Variants in BMPR1B observed in about 807,000 individuals in gnomAD.
The protein encoded by BMPR1B is bone morphogenetic protein receptor type-1B.
BMPR1B carries 12 observed loss-of-function variants against 59.1 expected under a neutral mutation model. The ratio of observed to expected loss-of-function variants is 0.20; its 90% CI spans 0.13 to 0.33. The LOEUF is 0.33. Among genes scored for constraint, BMPR1B ranks in the 10% least tolerant of loss-of-function variants. The pLI is 1.00. For missense variants in BMPR1B, 550 were observed against 610.9 expected, an observed-to-expected ratio of 0.90 and a Z score of 1.05; for synonymous variants, 237 against 207.3, an observed-to-expected ratio of 1.14 and a Z score of -1.23.
At chr4:94,869,715 C>A (rs1407566767) in intron 1 of BMPR1B, among the ~76,000 whole-genome samples, 2 of 152,106 alleles carry the variant, frequency 1.3e-5, no homozygotes, top group Non-Finnish European at 2.9e-5. Flanking sequence ...TTTTTATAAT[C>A]TGTAACATTT....
At chr4:95,121,551 TAAAC>T (rs1326223171) in intron 6 of BMPR1B, among the ~76,000 whole-genome samples, 1 of 152,060 alleles carries the variant, frequency 6.6e-6, no homozygotes. Flanking sequence ...CACAAATAAG[TAAAC>T]AAATAAAAAA....
chr4:94,898,816 C>T (rs533840180), intron 2 of BMPR1B, among the ~76,000 whole-genome samples: 13 of 151,992 alleles, frequency 8.6e-5, no homozygotes, highest in African/African-American at 3.1e-4. Flanking sequence ...TTGTGGGTCC[C>T]TCTCTCTCAA....
At chr4:95,012,070 G>A (rs1048691732) in intron 3 of BMPR1B, among the ~76,000 whole-genome samples, 7 of 151,778 alleles carry the variant, frequency 4.6e-5, no homozygotes, top group African/African-American at 7.3e-5. Flanking sequence ...AAGAAAAGAT[G>A]GATGTTAGGT....
At chr4:95,126,838 A>G (rs1732941744) in intron 8 of BMPR1B, among the ~76,000 whole-genome samples, 1 of 152,186 alleles carries the variant, frequency 6.6e-6, no homozygotes, top group Admixed American at 6.6e-5. Context: ...GTGAGTGAAT[A>G]CCTCATCTTA....
chr4:95,150,798 C>G lies in BMPR1B; in HGVS notation c.1253-1845C>G, dbSNP rs535019536. On this transcript the variant is annotated intron_variant, in intron 11 of 12. Transcript: ENST00000515059. ...TGTTAGAGGTGTTGGAGTCCCTGCTCTGTCCCATACCAACTGAATGGACTT... is the reference window on the plus strand; with the variant it reads ...TGTTAGAGGTGTTGGAGTCCCTGCTGTGTCCCATACCAACTGAATGGACTT... Among the ~76,000 whole-genome samples the G allele has an allele frequency of 3.2e-4, 49 of 152,322 alleles. No homozygotes were observed. In the South Asian group the frequency reaches 9.1e-3, roughly 28 times the overall value.
chr4:95,086,700 TAGTC>T (rs1729599820), intron 3 of BMPR1B, among the ~76,000 whole-genome samples: 1 of 152,192 alleles, frequency 6.6e-6, no homozygotes, highest in Non-Finnish European at 1.5e-5. Flanking sequence ...TTTAAAAAAT[TAGTC>T]AGCATTAGTG....
At chr4:94,780,627 A>G (rs534007293) in intron 1 of BMPR1B, among the ~76,000 whole-genome samples, 1 of 151,292 alleles carries the variant, frequency 6.6e-6, no homozygotes, top group South Asian at 2.1e-4. Context: ...AGCAGTATAC[A>G]TCCTAGTATA....
intron 2 of BMPR1B, among the ~76,000 whole-genome samples, chr4:94,901,901 T>G (rs1034921976): frequency 1.2e-4 from 18 of 152,078 alleles, no homozygotes. Flanking sequence ...TACTTGTATA[T>G]GTGTGTGTAC....
intron 3 of BMPR1B, among the ~76,000 whole-genome samples, chr4:95,080,542 AT>A (rs1400086436): frequency 1.3e-5 from 2 of 152,044 alleles, no homozygotes; most frequent in Admixed American, 1.3e-4. Context: ...GGCCTAAAAT[AT>A]TTACAAATTT....
chr4:94,777,843 T>G (rs1307006697), intron 1 of BMPR1B, among the ~76,000 whole-genome samples: 2 of 151,930 alleles, frequency 1.3e-5, no homozygotes, highest in Non-Finnish European at 2.9e-5. Flanking sequence ...CTGGCCAACA[T>G]GATGAAACCC....
At chr4:94,798,047 T>C (rs892301406) in intron 1 of BMPR1B, among the ~76,000 whole-genome samples, 5 of 152,236 alleles carry the variant, frequency 3.3e-5, no homozygotes, top group Non-Finnish European at 2.9e-5. Flanking sequence ...TGTTTACCAC[T>C]TACAGCATTT....
At chr4:94,877,028 C>G (rs1357552018) in intron 2 of BMPR1B, among the ~76,000 whole-genome samples, 1 of 151,578 alleles carries the variant, frequency 6.6e-6, no homozygotes, top group Admixed American at 6.6e-5. Context: ...TGGTATTACT[C>G]CTTTCGGGGC....
rs1487529519 is a variant in BMPR1B, at chr4:95,082,965, G to A, written c.-17-21443G>A. Among the ~76,000 whole-genome samples, 3 of 149,758 alleles carry A rather than the reference G, an allele frequency of 2.0e-5. No homozygotes were observed. In the East Asian group the frequency reaches 5.9e-4, roughly 30 times the overall value. On this transcript the variant is annotated intron_variant, in intron 3 of 12. Transcript: ENST00000515059. ...AGGCAGGAGAATGGCGTGAACCCGG[G>A]AGGCGGAGCTTGCAGTGAGCCGAGA... is the stretch of plus-strand genomic sequence containing the variant.
chr4:95,063,230 G>A (rs1321999966), intron 3 of BMPR1B, among the ~76,000 whole-genome samples: 1 of 152,128 alleles, frequency 6.6e-6, no homozygotes, highest in Non-Finnish European at 1.5e-5. Context: ...TATTCCATTT[G>A]TGGTTTTACA....
intron 3 of BMPR1B, among the ~76,000 whole-genome samples, chr4:95,100,571 C>G (rs546453186): frequency 9.9e-5 from 15 of 152,012 alleles, no homozygotes; most frequent in Non-Finnish European, 1.8e-4. Flanking sequence ...TGGGTTCTTT[C>G]AAATTAGGAA....
chr4:94,990,459 GAT>G (rs1428992329), intron 2 of BMPR1B, among the ~76,000 whole-genome samples: 1 of 152,148 alleles, frequency 6.6e-6, no homozygotes, highest in Non-Finnish European at 1.5e-5. Flanking sequence ...TTCATTAGCT[GAT>G]GAATGCATAA....
At chr4:94,926,210 A>G (rs886710300) in intron 2 of BMPR1B, among the ~76,000 whole-genome samples, 28 of 151,772 alleles carry the variant, frequency 1.8e-4, no homozygotes, top group Admixed American at 7.2e-4. Context: ...AAGAATATTT[A>G]TGAAAAATAG....
intron 1 of BMPR1B, among the ~76,000 whole-genome samples, chr4:94,822,874 T>G (rs1032726118): frequency 3.3e-5 from 5 of 152,174 alleles, no homozygotes; most frequent in African/African-American, 1.2e-4. Flanking sequence ...GTAATAGTGT[T>G]TTTCCACACT....
chr4:95,137,650 C>T (rs1733899749), intron 10 of BMPR1B, among the ~76,000 whole-genome samples: 1 of 152,160 alleles, frequency 6.6e-6, no homozygotes, highest in South Asian at 2.1e-4. Flanking sequence ...GATCCCTTTA[C>T]CATTATGTAA....
Sources: allele counts gnomAD v4.1 joint callset (sites outside exome capture counted in the v4.1 genomes callset), GRCh38; gene constraint gnomAD v4.1.1; transcripts MANE v1.5; gene names NCBI Gene and HGNC (gene_info 2026-07-23, HGNC 2026-07-21).